The following GPR137 variants were observed in gnomAD, a reference collection of about 807,000 sequenced individuals.
The protein encoded by GPR137 is G protein-coupled receptor 137.
Under a neutral mutation model 38.9 loss-of-function variants are expected in GPR137, and 20 were observed. The ratio of observed to expected loss-of-function variants is 0.51; its 90% CI spans 0.36 to 0.75. GPR137 has a LOEUF of 0.75. Among genes scored for constraint, GPR137 ranks in the 30% least tolerant of loss-of-function variants. GPR137 has a pLI of 0.00. For missense variants in GPR137, 456 were observed against 526.4 expected (o/e 0.87, Z 1.31); for synonymous variants, 226 against 235.8 (o/e 0.96, Z 0.38).
upstream of GPR137, among the ~76,000 whole-genome samples, chr11:64,275,234 C>T (rs969627573): frequency 6.6e-6 from 1 of 151,786 alleles, no homozygotes; most frequent in Admixed American, 6.6e-5. Flanking sequence ...CGGCTCATGC[C>T]TATAATCCCA....
intron 2 of GPR137, chr11:64,277,060 GAA>G (rs773906788): frequency 2.4e-5 from 17 of 706,540 alleles, no homozygotes; most frequent in African/African-American, 3.5e-5. Context: ...TATAGATGAG[GAA>G]ACAGAGGCAC....
chr11:64,270,898 G>GACACACAC (rs1491175311), upstream of GPR137, among the ~76,000 whole-genome samples: 243 of 86,916 alleles, frequency 2.8e-3, 25 homozygotes, highest in Non-Finnish European at 3.9e-3. Context: ...CATGCCCTGT[G>GACACACAC]AGACACACAC....
upstream of GPR137, among the ~76,000 whole-genome samples, chr11:64,280,377 A>G (rs1287346079): frequency 7.1e-6 from 1 of 140,898 alleles, no homozygotes; most frequent in African/African-American, 2.6e-5. Flanking sequence ...TTTGAGACGG[A>G]GTCTTGCTCT....
chr11:64,285,721 G>GGC (rs1340381071), upstream of GPR137: 1 of 985,272 alleles, frequency 1.0e-6, no homozygotes, highest in African/African-American at 1.7e-5. Context: ...GCCCGCCAGC[G>GGC]GCGCAGCTCG....
At chr11:64,281,523 C>A (rs1250820060), upstream of GPR137, among the ~76,000 whole-genome samples, 10 of 152,226 alleles carry the variant, frequency 6.6e-5, no homozygotes, top group Admixed American at 6.5e-4. Flanking sequence ...TCTCCAAATA[C>A]CCTTTCCTAA....
chr11:64,277,092 G>C lies in GPR137; in HGVS notation c.-16+671G>C, dbSNP rs558011232. The C allele has an allele frequency of 6.8e-4, 465 of 683,462 alleles. 2 individuals are homozygous for C. Among genetic ancestry groups the C allele is most frequent in the Non-Finnish European group, 1.0e-3 (375 of 367,132 alleles). 42.3% of individuals were successfully genotyped at this position (683,462 alleles called of 1,614,324 possible). On this transcript the variant is annotated intron_variant, in intron 2 of 2. Transcript: ENST00000538244. Reference sequence around the variant, plus strand: ...AGGCACACTTAATTACAAGACACTTGCACACTGAATTGCACACTTAATTAA... The same window carrying C: ...AGGCACACTTAATTACAAGACACTTCCACACTGAATTGCACACTTAATTAA...
upstream of GPR137, among the ~76,000 whole-genome samples, chr11:64,280,268 T>C (rs544462311): frequency 1.1e-3 from 158 of 145,026 alleles, 1 homozygote; most frequent in Middle Eastern, 7.4e-3. Context: ...TGCAGTGAGC[T>C]GAGATGGTGC....
chr11:64,286,562 G>A lies in GPR137; in HGVS notation c.38G>A (p.Gly13Glu). 1 of 1,613,316 alleles carries A rather than the reference G, an allele frequency of 6.2e-7. No homozygotes were observed. Among genetic ancestry groups the A allele is most frequent in the Non-Finnish European group, 8.5e-7 (1 of 1,179,592 alleles). Residue 13 changes from glycine (G) to glutamate (E), a missense_variant, in exon 1 of 7, where the codon GGG becomes GAG. Gly to Glu is a moderately conservative substitution (Grantham distance 98, BLOSUM62 -2). Transcript: ENST00000438980. ...SNLSGLVPAA[G>E]LVPALPPAVT... is the part of the protein sequence containing the mutation. Reference sequence around the variant, plus strand: ...CTGTCTGGCCTGGTGCCTGCTGCCGGGCTGGTGCCTGCGCTGCCACCTGCT... The same window carrying A: ...CTGTCTGGCCTGGTGCCTGCTGCCGAGCTGGTGCCTGCGCTGCCACCTGCT...
chr11:64,273,838 C>A (rs1420793487), upstream of GPR137, among the ~76,000 whole-genome samples: 1 of 140,606 alleles, frequency 7.1e-6, no homozygotes, highest in Non-Finnish European at 1.5e-5. Context: ...GCCAAGATCA[C>A]GCCACTGCAC....
chr11:64,284,133 T>G, upstream of GPR137: 1 of 1,515,530 alleles, frequency 6.6e-7, no homozygotes, highest in Non-Finnish European at 8.8e-7. Flanking sequence ...AGGGAGCCAG[T>G]GGGCTGGGGG....
At chr11:64,285,721 G>T, upstream of GPR137, 1 of 985,380 alleles carries the variant, frequency 1.0e-6, no homozygotes, top group East Asian at 1.1e-4. Context: ...GCCCGCCAGC[G>T]GCGCAGCTCG....
chr11:64,281,679 C>T (rs969888797), upstream of GPR137, among the ~76,000 whole-genome samples: 6 of 152,190 alleles, frequency 3.9e-5, no homozygotes, highest in Admixed American at 3.9e-4. Context: ...GAGTGCTGAC[C>T]ACCTCTGCTA....
intron 1 of GPR137, chr11:64,276,282 G>GTGTGTGTATA (rs1555068830): frequency 1.8e-5 from 1 of 55,994 alleles, no homozygotes; most frequent in African/African-American, 1.0e-4. Context: ...ATTTATGTGT[G>GTGTGTGTATA]TGTGTGTGTA....
At chr11:64,271,894 GC>G, upstream of GPR137, 1 of 1,107,704 alleles carries the variant, frequency 9.0e-7, no homozygotes, top group Non-Finnish European at 1.2e-6. Flanking sequence ...AGCTCTGCAG[GC>G]CCACTCGTGG....
At chr11:64,271,745 G>C (rs145689917), upstream of GPR137, 123 of 1,446,168 alleles carry the variant, frequency 8.5e-5, no homozygotes, top group Admixed American at 1.3e-3. Context: ...TCCCTTCGTC[G>C]TCCTCCGTCC....
Position 64,287,861 on chromosome 11 carries a change from T to C in GPR137, c.548T>C (p.Phe183Ser). The C allele has an allele frequency of 6.2e-7, 1 of 1,604,924 alleles. No homozygotes were observed. Among genetic ancestry groups the C allele is most frequent in the Non-Finnish European group, 8.5e-7 (1 of 1,179,934 alleles). The change falls in exon 3 of 7, where the codon TTC becomes TCC. Residue 183 changes from phenylalanine (F) to serine (S), a missense_variant. Coordinates refer to ENST00000438980, the MANE Select transcript of GPR137 (RefSeq NM_001170880.2). ...LVRVLVSDSL[F>S]VICALSLAAC... is the part of the protein sequence containing the mutation. ...CGCGTCCTGGTGAGCGACTCCCTGT[T>C]CGTCATCTGCGCGCTGTCTCTTGCT...
upstream of GPR137, chr11:64,271,765 A>G: frequency 7.0e-7 from 1 of 1,431,480 alleles, no homozygotes; most frequent in Non-Finnish European, 9.2e-7. Flanking sequence ...CCCGCGGGGT[A>G]GGAGCTGTGG....
chr11:64,287,312 T>C (rs2034204531), intron 2 of GPR137: 3 of 985,214 alleles, frequency 3.0e-6, no homozygotes, highest in Non-Finnish European at 3.6e-6. Flanking sequence ...TATGCACTCC[T>C]GGGTGACCTG....
At chr11:64,285,847 C>A, upstream of GPR137, 1 of 983,410 alleles carries the variant, frequency 1.0e-6, no homozygotes, top group African/African-American at 1.7e-5. Context: ...GGGAGGGGGG[C>A]GGAGCAGCGG....
Sources: allele counts gnomAD v4.1 joint callset (sites outside exome capture counted in the v4.1 genomes callset), GRCh38; gene constraint gnomAD v4.1.1; transcripts MANE v1.5; gene names NCBI Gene and HGNC (gene_info 2026-07-23, HGNC 2026-07-21).